UGT1A5: variants seen among roughly 807,000 people sequenced by gnomAD.
UGT1A5 encodes the protein UDP glucuronosyltransferase family 1 member A5.
Under a neutral mutation model 40.3 loss-of-function variants are expected in UGT1A5, and 29 were observed. That is an observed-to-expected ratio of 0.72 (90% CI 0.54 to 0.98). The LOEUF (loss-of-function observed/expected upper bound fraction) is 0.98, where lower values mean the gene tolerates loss of function less well. Ranked by LOEUF, UGT1A5 falls within the 50% of genes least tolerant of loss-of-function variation. The pLI is 0.00. For missense variants in UGT1A5, 678 were observed against 677.9 expected, an observed-to-expected ratio of 1.00 and a Z score of 0.00; for synonymous variants, 257 against 262.5, an observed-to-expected ratio of 0.98 and a Z score of 0.20.
chr2:233,729,158 G>A (rs771653845), intron 1 of UGT1A5: 35 of 1,613,348 alleles, frequency 2.2e-5, no homozygotes, highest in East Asian at 4.5e-5. Context: ...CCCCTGCCGT[G>A]GCTGGCCACA....
At chr2:233,756,376 A>G (rs1276716775) in intron 1 of UGT1A5, 1 of 152,194 alleles carries the variant, frequency 6.6e-6, no homozygotes, top group Non-Finnish European at 1.5e-5. Flanking sequence ...ATGCTATGTA[A>G]ATAGTTGTTT....
intron 1 of UGT1A5, among the ~76,000 whole-genome samples, chr2:233,744,910 G>A (rs1048974476): frequency 2.6e-5 from 4 of 151,812 alleles, no homozygotes; most frequent in Non-Finnish European, 5.9e-5. Context: ...AAATCTAGAT[G>A]CTCAAGCTCC....
chr2:233,760,544 A>C (rs1287938183), intron 1 of UGT1A5: 1 of 1,614,126 alleles, frequency 6.2e-7, no homozygotes, highest in Non-Finnish European at 8.5e-7. Flanking sequence ...TTCCAAAGGG[A>C]GGATGTGAAA....
intron 1 of UGT1A5, among the ~76,000 whole-genome samples, chr2:233,737,855 A>G (rs577176217): frequency 2.6e-5 from 4 of 152,218 alleles, no homozygotes; most frequent in East Asian, 1.9e-4. Context: ...CACTCTTGCT[A>G]TGCCCCTTAA....
At chr2:233,719,108 C>T (rs2076726952) in intron 1 of UGT1A5, 1 of 1,614,264 alleles carries the variant, frequency 6.2e-7, no homozygotes, top group Non-Finnish European at 8.5e-7. Flanking sequence ...CGCTGGGCTA[C>T]ACTCAAGGGT....
intron 1 of UGT1A5, among the ~76,000 whole-genome samples, chr2:233,722,815 A>G: frequency 6.6e-6 from 1 of 151,158 alleles, no homozygotes; most frequent in East Asian, 1.9e-4. Context: ...TTATTTTTTC[A>G]AGTTATTTTG....
chr2:233,745,211 C>T (rs1428887927), intron 1 of UGT1A5, among the ~76,000 whole-genome samples: 1 of 151,804 alleles, frequency 6.6e-6, no homozygotes, highest in African/African-American at 2.4e-5. Flanking sequence ...GAGATCCTCT[C>T]AGACAAAAGG....
rs1338074257 is a variant in UGT1A5 at position 233,772,677 on chromosome 2, A to G, written c.*118A>G. On this transcript the variant is annotated 3_prime_UTR_variant, in exon 5 of 5. Transcript: ENST00000373414. ...ATTAAGGAAATACTTTGCATAAATTAATCAGCCCCAGAGTGCTTTAAAAAA... is the reference window on the plus strand; with the variant it reads ...ATTAAGGAAATACTTTGCATAAATTGATCAGCCCCAGAGTGCTTTAAAAAA... 14 of 1,531,978 alleles carry G rather than the reference A, an allele frequency of 9.1e-6. No homozygotes were observed. The highest frequency in any genetic ancestry group is 1.1e-5 in the Non-Finnish European group (13 of 1,142,190). 94.9% of individuals were successfully genotyped at this position (1,531,978 alleles called of 1,614,324 possible).
At chr2:233,716,309 C>T (rs2076497368) in intron 1 of UGT1A5, among the ~76,000 whole-genome samples, 1 of 152,204 alleles carries the variant, frequency 6.6e-6, no homozygotes, top group Admixed American at 6.5e-5. Flanking sequence ...GTCTCTTCCA[C>T]CTGTAATGGA....
At position 233,759,745 on chromosome 2, in the gene UGT1A5, A is replaced by G. The variant is rs1303166455; in HGVS notation, c.868-7289A>G. Among the ~76,000 whole-genome samples the G allele has an allele frequency of 2.6e-5, 4 of 152,196 alleles. No homozygotes were observed. The East Asian group carries it at 7.7e-4, about 29-fold the overall frequency. ...CTCTGCTGCAGCCTCAAGACCCCAC[A>G]CTGTGCTGGACTCAATAAATATTGT... On this transcript the variant is annotated intron_variant, in intron 1 of 4. Transcript: ENST00000373414.
chr2:233,729,516 G>T, intron 1 of UGT1A5: 1 of 1,614,186 alleles, frequency 6.2e-7, no homozygotes, highest in Non-Finnish European at 8.5e-7. Context: ...CTTGTGTGGA[G>T]CTACTACATA....
At chr2:233,719,425 C>T (rs766948934) in intron 1 of UGT1A5, 1 of 1,613,998 alleles carries the variant, frequency 6.2e-7, no homozygotes, top group East Asian at 2.2e-5. Context: ...ACGACCAATT[C>T]AGACCACATG....
chr2:233,744,980 G>A (rs1692979759), intron 1 of UGT1A5, among the ~76,000 whole-genome samples: 1 of 151,830 alleles, frequency 6.6e-6, no homozygotes, highest in Non-Finnish European at 1.5e-5. Context: ...TAAGCCTCTA[G>A]TCATCTCTTG....
At chr2:233,745,396 T>A (rs1020698339) in intron 1 of UGT1A5, among the ~76,000 whole-genome samples, 1 of 151,856 alleles carries the variant, frequency 6.6e-6, no homozygotes, top group Non-Finnish European at 1.5e-5. Flanking sequence ...TATTCTCTTT[T>A]TGACACTGGA....
intron 1 of UGT1A5, chr2:233,743,896 C>A: frequency 3.7e-6 from 5 of 1,366,934 alleles, no homozygotes; most frequent in Non-Finnish European, 4.9e-6. Flanking sequence ...GCACGTCCAG[C>A]ACCTCGTAGT....
chr2:233,715,892 G>A (rs1284412629), intron 1 of UGT1A5, among the ~76,000 whole-genome samples: 1 of 152,180 alleles, frequency 6.6e-6, no homozygotes, highest in African/African-American at 2.4e-5. Context: ...CAGCTACTTG[G>A]GAGGCTCAGG....
intron 1 of UGT1A5, chr2:233,747,088 C>A: frequency 2.5e-6 from 3 of 1,192,376 alleles, no homozygotes; most frequent in East Asian, 2.7e-5. Flanking sequence ...AGGAGGAGAG[C>A]ACTCTATCTT....
intron 1 of UGT1A5, chr2:233,718,669 AT>A (rs2076674344): frequency 6.5e-7 from 1 of 1,549,232 alleles, no homozygotes; most frequent in East Asian, 2.4e-5. Context: ...TTATAGATTA[AT>A]GGGTAATAAG....
intron 1 of UGT1A5, chr2:233,756,329 T>A (rs934859836): frequency 6.6e-6 from 1 of 152,238 alleles, no homozygotes; most frequent in African/African-American, 2.4e-5. Flanking sequence ...TTTAAACCTC[T>A]AGTCATCTCT....
Sources: gnomAD v4.1 joint callset for allele counts (sites outside exome capture counted in the v4.1 genomes callset) on GRCh38, gnomAD v4.1.1 for gene constraint, MANE v1.5 for transcripts, NCBI Gene and HGNC (gene_info 2026-07-23, HGNC 2026-07-21) for gene names.